The following SLA variants were observed in gnomAD, a reference collection of about 807,000 sequenced individuals.
SLA encodes Src like adaptor, also known as src-like-adapter.
In SLA, 16 loss-of-function variants were observed where a neutral mutation model predicts 30.3. The observed-to-expected ratio is 0.53, with a 90% confidence interval of 0.36 to 0.80. The LOEUF (loss-of-function observed/expected upper bound fraction) is 0.80, where lower values mean the gene tolerates loss of function less well. Ranked by LOEUF, SLA falls within the 30% of genes least tolerant of loss-of-function variation. The pLI is 0.01. For synonymous variants in SLA, 143 were observed against 137.8 expected (o/e 1.04, Z -0.26); for missense variants, 310 against 345.2 (o/e 0.90, Z 0.81).
At chr8:133,065,314 T>C (rs1842895091) in intron 2 of SLA, among the ~76,000 whole-genome samples, 1 of 152,228 alleles carries the variant, frequency 6.6e-6, no homozygotes, top group Admixed American at 6.5e-5. Context: ...TCCAAGGTTA[T>C]ACTGCTAGGA....
intron 1 of SLA, among the ~76,000 whole-genome samples, chr8:133,077,869 G>T (rs371906405): frequency 6.6e-6 from 1 of 151,684 alleles, no homozygotes; most frequent in Non-Finnish European, 1.5e-5. Context: ...GGAGCCCCCC[G>T]CACCCCTCCA....
chr8:133,043,415 T>C (rs1838699033), intron 7 of SLA, among the ~76,000 whole-genome samples: 2 of 152,324 alleles, frequency 1.3e-5, no homozygotes, highest in African/African-American at 4.8e-5. Context: ...AGTTGGCTGT[T>C]TCCAGGACTC....
In SLA at chr8:133,099,113, G is replaced by T. The variant is rs1192272003; in HGVS notation, c.-319+3440C>A. Reference sequence around the variant, plus strand: ...GCAGGAGGCTCACTGCCAAACAGGGGCCTGGCTGGAGAAGCCAGCATTGAA... The same window carrying T: ...GCAGGAGGCTCACTGCCAAACAGGGTCCTGGCTGGAGAAGCCAGCATTGAA... On this transcript the variant is annotated intron_variant, in intron 1 of 8. Transcript: ENST00000338087. 2.6e-5 allele frequency among the ~76,000 whole-genome samples: 4 copies of T among 152,328 alleles called. No individual in the cohort carries two copies. The East Asian group carries it at 7.7e-4, about 29-fold the overall frequency.
chr8:133,095,200 C>G lies in SLA; in HGVS notation c.-319+7353G>C, dbSNP rs1481485390. ...GCCTGCCAATGTCCTCAATGATGCC[C>G]AGACCAAGGTGAGCACTTAAGTGCA... On this transcript the variant is annotated intron_variant, in intron 1 of 8. Transcript: ENST00000338087. 2 of 1,614,232 alleles carry G rather than the reference C, an allele frequency of 1.2e-6. No homozygotes were observed. Among genetic ancestry groups the G allele is most frequent in the Non-Finnish European group, 1.7e-6 (2 of 1,180,036 alleles).
chr8:133,041,117 C>T (rs1587842845), intron 7 of SLA, among the ~76,000 whole-genome samples: 1 of 152,328 alleles, frequency 6.6e-6, no homozygotes, highest in Non-Finnish European at 1.5e-5. Context: ...AGGCTGAAAA[C>T]CCCAGTGCTT....
intron 5 of SLA, chr8:133,049,036 G>A (rs934779715): frequency 1.1e-5 from 4 of 373,790 alleles, no homozygotes; most frequent in South Asian, 3.7e-5. Context: ...TCCAGCTTCC[G>A]ACACTTGACA....
intron 2 of SLA, among the ~76,000 whole-genome samples, chr8:133,071,677 A>G (rs971277819): frequency 5.9e-5 from 9 of 151,948 alleles, no homozygotes; most frequent in African/African-American, 2.2e-4. Context: ...GCACCTGCAA[A>G]CTGGAGGGAA....
chr8:133,056,053 C>T lies in SLA; in HGVS notation c.61+4047G>A, dbSNP rs149582840. 5.7e-3 allele frequency among the ~76,000 whole-genome samples: 866 copies of T among 152,254 alleles called. 10 individuals carry two copies. Among genetic ancestry groups the T allele is most frequent in the African/African-American group, 0.02 (829 of 41,558 alleles). On this transcript the variant is annotated intron_variant, in intron 3 of 8. Transcript: ENST00000338087. The stretch of plus-strand genomic sequence containing the variant: ...AGCACACACCTAGGAAGCTGAGTGC[C>T]AGGTTTCAAAACCAGGTCTCCCTGG...
rs1483010370 is a variant in SLA, at chr8:133,038,700, C to A, written c.655G>T (p.Gly219Trp). Residue 219 changes from glycine to tryptophan, a missense_variant, in exon 9 of 9, where the codon GGG becomes TGG. By Grantham distance (184) the Gly-to-Trp change is radical. Coordinates refer to ENST00000338087, the MANE Select transcript of SLA (RefSeq NM_001045556.3). ...TAGCTGAAAAGGGACTCGTCTACCC[C>A]AAGCGGGTTCTCTGTTCCCTCGGGG... ...EDPEGTENPL[G>W]VDESLFSYGL... 2 of 1,613,972 alleles carry A rather than the reference C, an allele frequency of 1.2e-6. No individual in the cohort carries two copies. The highest frequency in any genetic ancestry group is 1.7e-5 in the Admixed American group (1 of 59,998).
chr8:133,097,214 A>G (rs371533788), intron 1 of SLA, among the ~76,000 whole-genome samples: 14 of 152,362 alleles, frequency 9.2e-5, no homozygotes, highest in African/African-American at 3.1e-4. Flanking sequence ...TTATTAAATC[A>G]TGAAAGCAAC....
At chr8:133,087,273 T>G (rs1055098580) in intron 1 of SLA, among the ~76,000 whole-genome samples, 1 of 152,268 alleles carries the variant, frequency 6.6e-6, no homozygotes, top group Admixed American at 6.5e-5. Context: ...GAGGGCTTTC[T>G]GTTTCCCCTT....
chr8:133,045,000 C>T lies in SLA; in HGVS notation c.468G>A (p.Leu156=), dbSNP rs1839039974. ...GTCTCTTACCAGAATAGTGGTTCACCAGGTCCTCCAGGCACTGGAAGGTGA... is the reference window on the plus strand; with the variant it reads ...GTCTCTTACCAGAATAGTGGTTCACTAGGTCCTCCAGGCACTGGAAGGTGA... ...PRLTFQCLED[L]VNHYSEVADG... is the part of the protein sequence containing the mutation. The change falls in exon 7 of 9, where the codon CTG becomes CTA. Residue 156 remains leucine, a synonymous_variant. Transcript: ENST00000338087. The T allele has an allele frequency of 1.2e-6, 2 of 1,614,106 alleles. No individual in the cohort carries two copies. Among genetic ancestry groups the T allele is most frequent in the Non-Finnish European group, 1.7e-6 (2 of 1,180,040 alleles).
chr8:133,085,652 A>G (rs1296034885), intron 1 of SLA, among the ~76,000 whole-genome samples: 1 of 152,250 alleles, frequency 6.6e-6, no homozygotes, highest in African/African-American at 2.4e-5. Flanking sequence ...AATTAAACCC[A>G]TAATGAGATA....
intron 2 of SLA, among the ~76,000 whole-genome samples, chr8:133,072,424 G>A (rs1156602855): frequency 6.6e-6 from 1 of 152,200 alleles, no homozygotes; most frequent in Non-Finnish European, 1.5e-5. Context: ...TTTATTGCAG[G>A]AAGAGAGGGA....
In SLA at chr8:133,037,111, C is replaced by A. The variant is rs1837247888; in HGVS notation, c.*1413G>T. ...ACGATGAGCTCAGATGGACGGAATG[C>A]TTATGTGAGCAGACAGACAGGGAGA... On this transcript the variant is annotated 3_prime_UTR_variant, in exon 9 of 9. Coordinates refer to ENST00000338087, the MANE Select transcript of SLA (RefSeq NM_001045556.3). 6.6e-6 allele frequency: 1 copy of A among 152,186 alleles called. No homozygotes were observed. The highest frequency in any genetic ancestry group is 2.4e-5 in the African/African-American group (1 of 41,442). 9.4% of individuals were successfully genotyped at this position (152,186 alleles called of 1,614,324 possible).
intron 1 of SLA, among the ~76,000 whole-genome samples, chr8:133,095,451 C>G (rs1036808168): frequency 6.6e-6 from 1 of 152,134 alleles, no homozygotes; most frequent in Admixed American, 6.5e-5. Context: ...TTATTTATAA[C>G]ATGGGAATAG....
At chr8:133,044,413 A>T (rs1485846346) in intron 7 of SLA, among the ~76,000 whole-genome samples, 1 of 152,150 alleles carries the variant, frequency 6.6e-6, no homozygotes, top group Admixed American at 6.5e-5. Context: ...ACAAAAATGA[A>T]TTAAATGTAA....
At chr8:133,043,026 T>C (rs1651355180) in intron 7 of SLA, among the ~76,000 whole-genome samples, 1 of 152,042 alleles carries the variant, frequency 6.6e-6, no homozygotes, top group African/African-American at 2.4e-5. Context: ...CCAGTGGAGA[T>C]AAAAGTGGCC....
At chr8:133,042,834 C>T (rs1267999147) in intron 7 of SLA, among the ~76,000 whole-genome samples, 2 of 151,746 alleles carry the variant, frequency 1.3e-5, no homozygotes, top group South Asian at 2.1e-4. Flanking sequence ...GTTGGGATTA[C>T]AGGCGCCCAC....
Sources: gnomAD v4.1 joint callset for allele counts (sites outside exome capture counted in the v4.1 genomes callset) on GRCh38, gnomAD v4.1.1 for gene constraint, MANE v1.5 for transcripts, NCBI Gene and HGNC (gene_info 2026-07-23, HGNC 2026-07-21) for gene names.